Variants in TXNDC16 observed in about 807,000 individuals in gnomAD.
TXNDC16 encodes thioredoxin domain containing 16.
A neutral mutation model predicts 85.6 loss-of-function variants in TXNDC16; 74 were observed. The observed-to-expected ratio is 0.86, with a 90% confidence interval of 0.72 to 1.05. The LOEUF (loss-of-function observed/expected upper bound fraction) is 1.05, where lower values mean the gene tolerates loss of function less well. Ranked by LOEUF, TXNDC16 falls within the 50% of genes least tolerant of loss-of-function variation. TXNDC16 has a pLI of 0.00. For synonymous variants in TXNDC16, 335 were observed against 326.5 expected (o/e 1.03, Z -0.28); for missense variants, 959 against 947.0 (o/e 1.01, Z -0.17).
chr14:52,541,915 G>A (rs2037839224), intron 4 of TXNDC16, among the ~76,000 whole-genome samples: 1 of 151,998 alleles, frequency 6.6e-6, no homozygotes, highest in African/African-American at 2.4e-5. Flanking sequence ...AAATAAATGC[G>A]AAAAAGTGAA....
At chr14:52,501,601 T>C (rs1021255940) in intron 9 of TXNDC16, among the ~76,000 whole-genome samples, 7 of 152,062 alleles carry the variant, frequency 4.6e-5, no homozygotes, top group African/African-American at 1.7e-4. Flanking sequence ...AGAATAAGAA[T>C]AAAGCAAGAA....
At chr14:52,471,750 G>A (rs940238066) in intron 14 of TXNDC16, among the ~76,000 whole-genome samples, 13 of 151,740 alleles carry the variant, frequency 8.6e-5, no homozygotes, top group African/African-American at 3.1e-4. Flanking sequence ...TACCTATCCT[G>A]TCTAAACATT....
Position 52,469,897 on chromosome 14 carries a change from T to G in TXNDC16, c.1618+140A>C, listed in dbSNP as rs183748486. 6.0e-5 allele frequency: 47 copies of G among 781,334 alleles called. No individual in the cohort carries two copies. The African/African-American group carries it at 6.1e-4, about 10-fold the overall frequency. 48.4% of individuals were successfully genotyped at this position (781,334 alleles called of 1,614,324 possible). On this transcript the variant is annotated intron_variant, in intron 16 of 20. Coordinates refer to ENST00000281741, the MANE Select transcript of TXNDC16 (RefSeq NM_020784.3). ...AAATTTAACACTATCTCTGAATAAT[T>G]AGCTTACGATATTTTATTTTTCTTC... is the stretch of plus-strand genomic sequence containing the variant.
chr14:52,540,897 C>T (rs1421303606), intron 4 of TXNDC16, among the ~76,000 whole-genome samples: 1 of 152,150 alleles, frequency 6.6e-6, no homozygotes, highest in African/African-American at 2.4e-5. Flanking sequence ...ATCTCATTTG[C>T]CACTATCTCC....
At chr14:52,550,157 G>C (rs1361052252) in intron 1 of TXNDC16, among the ~76,000 whole-genome samples, 2 of 152,152 alleles carry the variant, frequency 1.3e-5, no homozygotes, top group Admixed American at 6.5e-5. Context: ...CAGAAAAGAA[G>C]GAAATTAACA....
intron 12 of TXNDC16, among the ~76,000 whole-genome samples, chr14:52,484,430 C>T (rs2036220465): frequency 6.6e-6 from 1 of 152,184 alleles, no homozygotes; most frequent in African/African-American, 2.4e-5. Flanking sequence ...TTTCAGTCAA[C>T]AATGGACAAC....
At chr14:52,498,491 T>C (rs1415450157) in intron 9 of TXNDC16, among the ~76,000 whole-genome samples, 2 of 151,658 alleles carry the variant, frequency 1.3e-5, no homozygotes, top group Non-Finnish European at 2.9e-5. Flanking sequence ...AAAATCAGCA[T>C]ACAAAAATCA....
At chr14:52,491,581 A>G (rs554628291) in intron 9 of TXNDC16, among the ~76,000 whole-genome samples, 134 of 117,662 alleles carry the variant, frequency 1.1e-3, no homozygotes, top group African/African-American at 4.3e-3. Context: ...TAAACATATT[A>G]TAAATAAACA....
chr14:52,458,641 T>C (rs1258564136), intron 16 of TXNDC16, among the ~76,000 whole-genome samples: 1 of 152,192 alleles, frequency 6.6e-6, no homozygotes, highest in African/African-American at 2.4e-5. Flanking sequence ...ACACATGAGA[T>C]TATAAACTAG....
At chr14:52,522,880 A>ATTT (rs2037241297) in intron 6 of TXNDC16, among the ~76,000 whole-genome samples, 2 of 152,228 alleles carry the variant, frequency 1.3e-5, no homozygotes, top group Non-Finnish European at 2.9e-5. Context: ...ATCTGAAAGC[A>ATTT]GAACTATCAT....
intron 20 of TXNDC16, among the ~76,000 whole-genome samples, chr14:52,436,763 CTGATAGT>C (rs2035037705): frequency 6.6e-6 from 1 of 151,968 alleles, no homozygotes; most frequent in Non-Finnish European, 1.5e-5. Flanking sequence ...CATACTATAC[CTGATAGT>C]TGACATAATA....
At chr14:52,531,352 C>T (rs1264838728) in intron 6 of TXNDC16, among the ~76,000 whole-genome samples, 3 of 152,138 alleles carry the variant, frequency 2.0e-5, no homozygotes, top group African/African-American at 7.2e-5. Context: ...CTTAGGACCA[C>T]ACAAAAACCT....
intron 6 of TXNDC16, among the ~76,000 whole-genome samples, chr14:52,521,545 C>T (rs1357973591): frequency 6.6e-6 from 1 of 152,156 alleles, no homozygotes; most frequent in East Asian, 1.9e-4. Flanking sequence ...AACCCCAATT[C>T]ATGAGGGAAT....
At chr14:52,479,131 T>C (rs1197260506) in intron 14 of TXNDC16, among the ~76,000 whole-genome samples, 1 of 152,042 alleles carries the variant, frequency 6.6e-6, no homozygotes, top group African/African-American at 2.4e-5. Flanking sequence ...TGATTAAAAC[T>C]CTCAGCAAAA....
intron 18 of TXNDC16, among the ~76,000 whole-genome samples, chr14:52,443,707 C>T (rs1415518783): frequency 2.0e-5 from 3 of 152,166 alleles, no homozygotes; most frequent in Admixed American, 1.3e-4. Context: ...AGTATTCTAG[C>T]TCCTGGGAAT....
intron 20 of TXNDC16, among the ~76,000 whole-genome samples, chr14:52,434,050 A>ACC (rs2034968514): frequency 6.6e-6 from 1 of 152,104 alleles, no homozygotes; most frequent in African/African-American, 2.4e-5. Context: ...TTAGCTGGGC[A>ACC]TGGTGGCACG....
At chr14:52,482,697 A>G (rs1180623668) in intron 13 of TXNDC16, 125 bp downstream of exon 13, 5 of 723,912 alleles carry the variant, frequency 6.9e-6, no homozygotes, top group East Asian at 2.9e-5. Flanking sequence ...TTCAATGCAC[A>G]CAGTCTACTT....
At chr14:52,484,038 CACTG>C (rs1223200701) in intron 12 of TXNDC16, among the ~76,000 whole-genome samples, 4 of 152,172 alleles carry the variant, frequency 2.6e-5, no homozygotes, top group East Asian at 1.9e-4. Flanking sequence ...GAAGTTCAAA[CACTG>C]ACTGGATATA....
chr14:52,530,258 T>TA (rs1555342441), intron 6 of TXNDC16, among the ~76,000 whole-genome samples: 1 of 59,426 alleles, frequency 1.7e-5, no homozygotes, highest in Non-Finnish European at 2.8e-5. Context: ...ATATATATTA[T>TA]ATAATATATA....
Sources: gnomAD v4.1 joint callset for allele counts (sites outside exome capture counted in the v4.1 genomes callset) on GRCh38, gnomAD v4.1.1 for gene constraint, MANE v1.5 for transcripts, NCBI Gene and HGNC (gene_info 2026-07-23, HGNC 2026-07-21) for gene names.